KIF12: variants seen among roughly 807,000 people sequenced by gnomAD.
KIF12 encodes kinesin-like protein KIF12.
A neutral mutation model predicts 87.9 loss-of-function variants in KIF12; 80 were observed. The ratio of observed to expected loss-of-function variants is 0.91; its 90% CI spans 0.76 to 1.10. KIF12 has a LOEUF of 1.10. Among genes scored for constraint, KIF12 ranks in the 50% least tolerant of loss-of-function variants. The pLI is 0.00. For missense variants in KIF12, 819 were observed against 865.3 expected (o/e 0.95, Z 0.67); for synonymous variants, 353 against 348.5 (o/e 1.01, Z -0.14).
At chr9:114,098,471 G>T in intron 3 of KIF12, 42 bp from the exon 4 acceptor site, 1 of 1,446,596 alleles carries the variant, frequency 6.9e-7, no homozygotes, top group Non-Finnish European at 9.1e-7. Context: ...TCTGGAGGAG[G>T]GCGGGGCACC....
chr9:114,098,461 T>TCTGAGGAGGGCGGGGCACC, intron 3 of KIF12, 32 bp from the exon 4 acceptor site: 2 of 1,427,068 alleles, frequency 1.4e-6, no homozygotes, highest in Non-Finnish European at 1.8e-6. Context: ...AGCGGGGCAC[T>TCTGAGGAGGGCGGGGCACC]CTGGAGGAGG....
intron 4 of KIF12, 35 bp from the exon 5 acceptor site, chr9:114,098,225 G>T: frequency 6.6e-7 from 1 of 1,522,476 alleles, no homozygotes; most frequent in South Asian, 1.2e-5. Flanking sequence ...GACTCCGGCG[G>T]CTACCCGGGG....
chr9:114,098,467 GGA>G (rs1847334655), intron 3 of KIF12, 38 bp from the exon 4 acceptor site: 1 of 1,455,216 alleles, frequency 6.9e-7, no homozygotes, highest in East Asian at 2.7e-5. Context: ...GCACTCTGGA[GGA>G]GGGCGGGGCA....
In KIF12 at chr9:114,096,496, C is replaced by G; in HGVS notation, c.647-18G>C. On this transcript the variant is annotated intron_variant, in intron 7 of 18. Transcript: ENST00000640217. ...GCTGAGACCTGGAAGGGAAAAACAT[C>G]AGGAGCTGGACCTGGTAGGAAGAAC... 1 of 1,588,320 alleles carries G rather than the reference C, an allele frequency of 6.3e-7. No individual in the cohort carries two copies. Among genetic ancestry groups the G allele is most frequent in the East Asian group, 2.3e-5 (1 of 44,374 alleles).
intron 7 of KIF12, 126 bp downstream of exon 7, chr9:114,097,175 C>T (rs1045487146): frequency 9.2e-5 from 118 of 1,283,412 alleles, no homozygotes; most frequent in Middle Eastern, 1.9e-4. Context: ...TTTACTGGTC[C>T]TTCCCCACCT....
At chr9:114,093,521 G>A in intron 14 of KIF12, 24 bp from the exon 15 acceptor site, 2 of 1,524,340 alleles carry the variant, frequency 1.3e-6, no homozygotes, top group Non-Finnish European at 1.8e-6. Context: ...CAGGGTCTAT[G>A]CCTGCAGCCT....
In KIF12 at chr9:114,097,420, C is replaced by T; in HGVS notation, c.527G>A (p.Ser176Asn). Residue 176 changes from serine (S) to asparagine (N), a missense_variant, in exon 7 of 19, where the codon AGC becomes AAC. Coordinates refer to ENST00000640217, the MANE Select transcript of KIF12 (RefSeq NM_001388308.1). ...IYNEQVRDLL[S>N]LGSPRPLPVR... ...AGGGAGGGGCCGGGGAGACCCCAGG[C>T]TCAGCAAGTCCCGAACCTGGGAGGG... is the stretch of plus-strand genomic sequence containing the variant. 2 of 1,595,020 alleles carry T rather than the reference C, an allele frequency of 1.3e-6. No individual in the cohort carries two copies. Among genetic ancestry groups the T allele is most frequent in the East Asian group, 2.2e-5 (1 of 44,676 alleles).
chr9:114,093,151 G>C, intron 16 of KIF12, 78 bp downstream of exon 16: 3 of 1,328,248 alleles, frequency 2.3e-6, no homozygotes, highest in Non-Finnish European at 3.2e-6. Flanking sequence ...GAATCCCTGG[G>C]GCTCTGGATT....
rs367617766 is a variant in KIF12 at position 114,097,585 on chromosome 9, T to C, written c.510+22A>G. ...GCTCCGTTTCCTCATGGGCTGTCTT[T>C]CTATTCCTCTCATTCCCTTACCTGC... On this transcript the variant is annotated intron_variant, in intron 6 of 18. Coordinates refer to ENST00000640217, the MANE Select transcript of KIF12 (RefSeq NM_001388308.1). The C allele has an allele frequency of 1.2e-5, 20 of 1,613,612 alleles. No homozygotes were observed. In the African/African-American group the frequency reaches 2.3e-4, roughly 18 times the overall value.
rs747732995 is a variant in KIF12, at chr9:114,091,928, C to A, written c.1889G>T (p.Arg630Leu). The A allele has an allele frequency of 6.2e-7, 1 of 1,612,542 alleles. No individual in the cohort carries two copies. Among genetic ancestry groups the A allele is most frequent in the South Asian group, 1.1e-5 (1 of 91,034 alleles). The change falls in exon 19 of 19, where the codon CGT becomes CTT. Residue 630 changes from arginine (R) to leucine (L), a missense_variant. Transcript: ENST00000640217. Reference protein sequence around the residue: ...LRDQIGSSLRRGRSQPPCSEG... With the variant: ...LRDQIGSSLRLGRSQPPCSEG... ...ACTGCAGGGTGGCTGGCTGCGGCCA[C>A]GTCGCAGGGAGCTGCCAATCTGGTC... is the stretch of plus-strand genomic sequence containing the variant.
At chr9:114,095,380 G>C in intron 9 of KIF12, 48 bp from the exon 10 acceptor site, 1 of 1,569,878 alleles carries the variant, frequency 6.4e-7, no homozygotes, top group South Asian at 1.2e-5. Flanking sequence ...CTTGCCTAGG[G>C]CCATCAGGCT....
chr9:114,098,558 C>CTCTGGAGGAGGGCGGGGCAG, intron 3 of KIF12, 129 bp from the exon 4 acceptor site: 2 of 692,360 alleles, frequency 2.9e-6, no homozygotes, highest in Non-Finnish European at 4.4e-6. Context: ...GGGCGGGGCA[C>CTCTGGAGGAGGGCGGGGCAG]CCTGGAGAAG....
rs1217485108 is a variant in KIF12 at position 114,098,412 on chromosome 9, C to T, written c.189G>A (p.Gly63=). The T allele has an allele frequency of 1.3e-6, 2 of 1,487,476 alleles. No homozygotes were observed. Among genetic ancestry groups the T allele is most frequent in the Admixed American group, 2.2e-5 (1 of 46,458 alleles). 92.1% of individuals were successfully genotyped at this position (1,487,476 alleles called of 1,614,324 possible). Residue 63 remains glycine, a synonymous_variant, in exon 4 of 19, where the codon GGG becomes GGA. Coordinates refer to ENST00000640217, the MANE Select transcript of KIF12 (RefSeq NM_001388308.1). ...CGAAGCGGAACGCCACTTCTGGACC[C>T]CCGCCTGGAGGACTCACCTGGCGCG... ...TRTLQVSPPG[G]GPEVAFRFGA...
intron 8 of KIF12, 78 bp downstream of exon 8, chr9:114,096,309 C>A: frequency 6.3e-7 from 1 of 1,596,866 alleles, no homozygotes; most frequent in East Asian, 2.3e-5. Context: ...CATGCACACC[C>A]AAGTTGGTTT....
intron 5 of KIF12, 99 bp from the exon 6 acceptor site, chr9:114,097,840 C>T (rs1847302480): frequency 7.5e-7 from 1 of 1,327,118 alleles, no homozygotes. Flanking sequence ...TGCCAAGTTC[C>T]CAAACAATGG....
intron 16 of KIF12, 62 bp from the exon 17 acceptor site, chr9:114,092,704 A>C (rs148915370): frequency 6.5e-7 from 1 of 1,531,438 alleles, no homozygotes; most frequent in African/African-American, 1.4e-5. Context: ...TGTCCCACCT[A>C]CCTGGTGCTA....
intron 1 of KIF12, 25 bp downstream of exon 1, chr9:114,099,226 C>A: frequency 6.4e-7 from 1 of 1,550,966 alleles, no homozygotes; most frequent in Non-Finnish European, 8.7e-7. Context: ...CAGGACTCCT[C>A]GAACCTGTCT....
chr9:114,099,072 G>A, intron 2 of KIF12, 32 bp downstream of exon 2: 1 of 1,550,392 alleles, frequency 6.4e-7, no homozygotes, highest in African/African-American at 1.4e-5. Context: ...TCCTTGTCTC[G>A]CCCAGGTGCC....
chr9:114,099,257 G>A lies in KIF12; in HGVS notation c.20C>T (p.Pro7Leu). Residue 7 changes from proline (P) to leucine (L), a missense_variant, in exon 1 of 19, where the codon CCC (proline) becomes CTC (leucine). Coordinates refer to ENST00000640217, the MANE Select transcript of KIF12 (RefSeq NM_001388308.1). The stretch of plus-strand genomic sequence containing the variant: ...TGTCTGAAGATCTGCTTACCCGTCG[G>A]GTGACCCGCGTTCTTCCATGTCCTG... The part of the protein sequence containing the change: MEERGS[P>L]DGDLARSLEQ... The A allele has an allele frequency of 6.4e-7, 1 of 1,551,070 alleles. No individual in the cohort carries two copies. Among genetic ancestry groups the A allele is most frequent in the Non-Finnish European group, 8.7e-7 (1 of 1,147,080 alleles).
Sources: gnomAD v4.1 joint callset for allele counts on GRCh38, gnomAD v4.1.1 for gene constraint, MANE v1.5 for transcripts, NCBI Gene and HGNC (gene_info 2026-07-23, HGNC 2026-07-21) for gene names.